The following FAM184A variants were observed in gnomAD, a reference collection of about 807,000 sequenced individuals.
The protein encoded by FAM184A is family with sequence similarity 184 member A.
In FAM184A, 99 loss-of-function variants were observed where a neutral mutation model predicts 143.8. That is an observed-to-expected ratio of 0.69 (90% CI 0.58 to 0.81). FAM184A has a LOEUF of 0.81. FAM184A is among the 40% of genes least tolerant of loss of function. The pLI, the probability that FAM184A is intolerant of heterozygous loss-of-function variation, is 0.00. For missense variants in FAM184A, 1,217 were observed against 1,310.5 expected (o/e 0.93, Z 1.10); for synonymous variants, 427 against 446.4 (o/e 0.96, Z 0.55).
intron 1 of FAM184A, among the ~76,000 whole-genome samples, chr6:119,145,437 G>T (rs1469567706): frequency 1.3e-5 from 2 of 152,026 alleles, no homozygotes; most frequent in Non-Finnish European, 2.9e-5. Flanking sequence ...TCTGATTCCT[G>T]CTGGGACTCT....
chr6:119,130,858 CTTTTTTTTT>C lies in FAM184A; in HGVS notation c.-202+18211_-202+18219del, dbSNP rs67738048. Among the ~76,000 whole-genome samples, 581 of 131,710 alleles carry C rather than the reference CTTTTTTTTT, an allele frequency of 4.4e-3. 4 individuals carry two copies. Among genetic ancestry groups the C allele is most frequent in the African/African-American group, 0.016 (556 of 34,016 alleles). 86.4% of individuals were successfully genotyped at this position (131,710 alleles called of 152,430 possible). A position where few individuals can be genotyped will look rare whatever the true frequency, so the allele number is the denominator to read the frequency against. Reference sequence around the variant, plus strand: ...TGCTCAGAATTGTATTTCTTTTTTTCTTTTTTTTTTTTTTTTTGAGATGGAGTCTCGCTC... The same window carrying C: ...TGCTCAGAATTGTATTTCTTTTTTTCTTTTTTTTGAGATGGAGTCTCGCTC... On this transcript the variant is annotated intron_variant, in intron 1 of 16. Transcript: ENST00000352896.
At chr6:119,055,324 T>C (rs1052572862) in intron 1 of FAM184A, among the ~76,000 whole-genome samples, 4 of 152,254 alleles carry the variant, frequency 2.6e-5, no homozygotes, top group African/African-American at 9.6e-5. Flanking sequence ...TTTCCATTCT[T>C]AGCTATTACA....
chr6:118,966,782 A>T (rs1014736191), intron 15 of FAM184A, 53 bp downstream of exon 15: 6 of 811,866 alleles, frequency 7.4e-6, no homozygotes, highest in African/African-American at 7.0e-5. Context: ...ATATTTTCCC[A>T]ATCAATATCT....
intron 1 of FAM184A, among the ~76,000 whole-genome samples, chr6:119,113,618 T>TGA (rs143508010): frequency 4.6e-4 from 69 of 150,488 alleles, no homozygotes; most frequent in African/African-American, 1.4e-3. Context: ...AATAAGATAT[T>TGA]GAGAGAGAGA....
At chr6:119,100,558 G>C (rs1276782958) in intron 1 of FAM184A, among the ~76,000 whole-genome samples, 1 of 152,064 alleles carries the variant, frequency 6.6e-6, no homozygotes, top group Admixed American at 6.5e-5. Context: ...ATATGGGCTG[G>C]ACACTGACAT....
chr6:118,994,530 C>CA (rs1180353607), intron 9 of FAM184A, among the ~76,000 whole-genome samples: 1 of 151,452 alleles, frequency 6.6e-6, no homozygotes, highest in African/African-American at 2.4e-5. Flanking sequence ...ACTAAAAATA[C>CA]AAAAAATCAG....
intron 1 of FAM184A, among the ~76,000 whole-genome samples, chr6:119,051,735 A>G (rs1404887305): frequency 6.6e-6 from 1 of 152,186 alleles, no homozygotes; most frequent in Admixed American, 6.5e-5. Flanking sequence ...TGAGAGGTAA[A>G]GTAAGAGGTA....
intron 1 of FAM184A, among the ~76,000 whole-genome samples, chr6:119,107,291 A>G (rs1258333545): frequency 6.6e-6 from 1 of 151,906 alleles, no homozygotes; most frequent in African/African-American, 2.4e-5. Flanking sequence ...TGTTATTCTG[A>G]AAAAAAAGAC....
chr6:118,991,244 C>A (rs1784368759), intron 9 of FAM184A, among the ~76,000 whole-genome samples: 1 of 151,570 alleles, frequency 6.6e-6, no homozygotes, highest in South Asian at 2.1e-4. Context: ...CGCACTGCAA[C>A]CTCTGCCCCT....
intron 17 of FAM184A, among the ~76,000 whole-genome samples, chr6:118,961,221 T>C (rs1193163477): frequency 6.6e-6 from 1 of 151,798 alleles, no homozygotes. Context: ...GGTAAAAAAT[T>C]GGAATGGAAA....
chr6:119,061,292 G>C (rs1260474576), intron 1 of FAM184A, among the ~76,000 whole-genome samples: 1 of 152,058 alleles, frequency 6.6e-6, no homozygotes, highest in East Asian at 1.9e-4. Context: ...AATGAGCTGT[G>C]TTCACCTGCA....
intron 1 of FAM184A, among the ~76,000 whole-genome samples, chr6:119,028,978 GA>G (rs1785769241): frequency 6.6e-6 from 1 of 152,182 alleles, no homozygotes; most frequent in Non-Finnish European, 1.5e-5. Context: ...GACCAGAGGT[GA>G]GGTGTTATGT....
chr6:118,987,978 A>AT (rs1196405365), intron 9 of FAM184A, among the ~76,000 whole-genome samples: 2 of 152,300 alleles, frequency 1.3e-5, no homozygotes, highest in Admixed American at 1.3e-4. Context: ...GCCAAACAGT[A>AT]TTTTTTATAT....
At chr6:119,003,821 C>T (rs896385907) in intron 7 of FAM184A, among the ~76,000 whole-genome samples, 199 bp from the exon 8 acceptor site, 1 of 152,000 alleles carries the variant, frequency 6.6e-6, no homozygotes, top group Non-Finnish European at 1.5e-5. Flanking sequence ...TTTACATGTT[C>T]TTGTCTAAAC....
chr6:119,101,069 CT>C (rs34570036), intron 1 of FAM184A, among the ~76,000 whole-genome samples: 51 of 139,650 alleles, frequency 3.7e-4, no homozygotes, highest in Non-Finnish European at 3.8e-4. Context: ...AATGCACTTT[CT>C]TTTTTTTTTT....
At chr6:118,988,877 T>C (rs1157218855) in intron 9 of FAM184A, among the ~76,000 whole-genome samples, 1 of 151,032 alleles carries the variant, frequency 6.6e-6, no homozygotes, top group Non-Finnish European at 1.5e-5. Context: ...CTTCCAAAAA[T>C]ACAAAATGAT....
chr6:119,063,740 G>GT (rs1297416823), intron 1 of FAM184A, among the ~76,000 whole-genome samples: 2 of 151,788 alleles, frequency 1.3e-5, no homozygotes, highest in Non-Finnish European at 2.9e-5. Context: ...ATTAGACTCA[G>GT]TATTCCTCCC....
chr6:119,067,312 T>A (rs1015472051), intron 1 of FAM184A, among the ~76,000 whole-genome samples: 26 of 152,198 alleles, frequency 1.7e-4, no homozygotes, highest in Admixed American at 4.6e-4. Context: ...CATGTGAGGG[T>A]GTTTAGGGTG....
intron 1 of FAM184A, among the ~76,000 whole-genome samples, chr6:119,025,971 G>C (rs951435241): frequency 2.0e-5 from 3 of 152,160 alleles, no homozygotes; most frequent in African/African-American, 7.2e-5. Flanking sequence ...AAATACCACA[G>C]TAACTCCAGA....
Sources: allele counts gnomAD v4.1 joint callset (sites outside exome capture counted in the v4.1 genomes callset), GRCh38; gene constraint gnomAD v4.1.1; transcripts MANE v1.5; gene names NCBI Gene and HGNC (gene_info 2026-07-23, HGNC 2026-07-21).